TACC1: variants seen among roughly 807,000 people sequenced by gnomAD.
The protein encoded by TACC1 is transforming acidic coiled-coil-containing protein 1.
Under a neutral mutation model 84.4 loss-of-function variants are expected in TACC1, and 48 were observed. The observed-to-expected ratio is 0.57, with a 90% CI of 0.45 to 0.72. The LOEUF is 0.72. Ranked by LOEUF, TACC1 falls within the 30% of genes least tolerant of loss-of-function variation. TACC1 has a pLI of 0.00. For synonymous variants in TACC1, 372 were observed against 376.3 expected (o/e 0.99, Z 0.13); for missense variants, 920 against 973.0 (o/e 0.95, Z 0.72).
chr8:38,820,258 A>C lies in TACC1; in HGVS notation c.1014A>C (p.Pro338=). 6.2e-7 allele frequency: 1 copy of C among 1,614,160 alleles called. No homozygotes were observed. Among genetic ancestry groups the C allele is most frequent in the Non-Finnish European group, 8.5e-7 (1 of 1,180,018 alleles). ...ACATAGAGGCCAGGAAAGCCCTTCC[A>C]AGGAAGCTTGGCAGGAAACTGGGTA... is the stretch of plus-strand genomic sequence containing the variant. The part of the protein sequence containing the change: ...TGNIEARKAL[P]RKLGRKLGST... The change falls in exon 3 of 13, where the codon CCA becomes CCC. Residue 338 remains proline (P), a synonymous_variant. Transcript: ENST00000317827.
intron 2 of TACC1, among the ~76,000 whole-genome samples, chr8:38,809,810 T>C (rs1463541756): frequency 6.6e-6 from 1 of 152,166 alleles, no homozygotes; most frequent in African/African-American, 2.4e-5. Flanking sequence ...TCCTGACAGC[T>C]GAGTGTTGGT....
intron 3 of TACC1, among the ~76,000 whole-genome samples, chr8:38,772,611 T>A (rs991795281): frequency 6.6e-6 from 1 of 152,226 alleles, no homozygotes; most frequent in East Asian, 1.9e-4. Context: ...TGGCTGCACA[T>A]CCTGGTTTCC....
At chr8:38,841,282 C>G (rs1232988845) in intron 9 of TACC1, among the ~76,000 whole-genome samples, 1 of 152,138 alleles carries the variant, frequency 6.6e-6, no homozygotes. Context: ...TTTTAAGGAA[C>G]CTTACTGCCT....
At chr8:38,728,863 A>G (rs1804354826) in intron 1 of TACC1, 1 of 152,196 alleles carries the variant, frequency 6.6e-6, no homozygotes. Flanking sequence ...TTGAACTTTA[A>G]TTCTTGGGTC....
rs1052096840 is a variant in TACC1, at chr8:38,820,291, G to T, written c.1047G>T (p.Leu349=). 1 of 1,614,026 alleles carries T rather than the reference G, an allele frequency of 6.2e-7. No individual in the cohort carries two copies. The highest frequency in any genetic ancestry group is 1.3e-5 in the African/African-American group (1 of 74,908). Residue 349 remains leucine (L), a synonymous_variant, in exon 3 of 13, where the codon CTG becomes CTT. Coordinates refer to ENST00000317827, the MANE Select transcript of TACC1 (RefSeq NM_006283.3). ...RKLGRKLGST[L]TPKIQKDGIS... is the part of the protein sequence containing the mutation. ...TTGGCAGGAAACTGGGTAGCACACT[G>T]ACTCCCAAGATACAAAAAGATGGCA... is the stretch of plus-strand genomic sequence containing the variant.
chr8:38,746,877 G>T (rs139717506), intron 3 of TACC1, among the ~76,000 whole-genome samples: 393 of 151,888 alleles, frequency 2.6e-3, no homozygotes, highest in Admixed American at 5.7e-3. Context: ...TTTTAAAGGC[G>T]GGAAATAAGA....
chr8:38,827,939 G>T (rs1828468976), intron 5 of TACC1: 2 of 157,638 alleles, frequency 1.3e-5, no homozygotes, highest in African/African-American at 4.8e-5. Context: ...ACAGCAAGAA[G>T]TCGCTCATTA....
upstream of TACC1, among the ~76,000 whole-genome samples, chr8:38,783,100 ATC>A (rs1193516208): frequency 0.018 from 1,864 of 105,130 alleles, 20 homozygotes; most frequent in South Asian, 0.025. Flanking sequence ...CTATCTATCT[ATC>A]TATCTATATA....
At chr8:38,779,331 A>C (rs1355688175) in intron 3 of TACC1, among the ~76,000 whole-genome samples, 1 of 152,148 alleles carries the variant, frequency 6.6e-6, no homozygotes, top group Non-Finnish European at 1.5e-5. Flanking sequence ...TCTTGAAATG[A>C]GCATTTCACA....
upstream of TACC1, among the ~76,000 whole-genome samples, chr8:38,783,566 C>T (rs969105899): frequency 2.6e-5 from 4 of 151,932 alleles, no homozygotes; most frequent in East Asian, 1.9e-4. Context: ...GAATTACAGG[C>T]GCCTGCCACC....
chr8:38,768,790 TG>T (rs1215245525), intron 3 of TACC1, among the ~76,000 whole-genome samples: 1 of 151,476 alleles, frequency 6.6e-6, no homozygotes, highest in Non-Finnish European at 1.5e-5. Context: ...ATGTGAGAGT[TG>T]GGGGTAGGTG....
At position 38,788,833 on chromosome 8, in the gene TACC1, T is replaced by TG. The variant is rs759218850; in HGVS notation, c.277+15dup. The TG allele has an allele frequency of 6.3e-7, 1 of 1,581,328 alleles. No homozygotes were observed. The highest frequency in any genetic ancestry group is 1.4e-5 in the African/African-American group (1 of 73,484). ...CCAAAAGCCAAGGTAAAGAAAAACT[T>TG]GCATTTTTCCTGCCTGTTTTGTTTC... On this transcript the variant is annotated intron_variant, in intron 2 of 12. Coordinates refer to ENST00000317827, the MANE Select transcript of TACC1 (RefSeq NM_006283.3).
chr8:38,813,811 G>A (rs1372183419), intron 2 of TACC1, among the ~76,000 whole-genome samples: 1 of 152,192 alleles, frequency 6.6e-6, no homozygotes, highest in East Asian at 1.9e-4. Context: ...CTTGGGACTT[G>A]AGTTCTCTGT....
At chr8:38,829,133 A>G (rs1273809097) in intron 5 of TACC1, among the ~76,000 whole-genome samples, 1 of 152,212 alleles carries the variant, frequency 6.6e-6, no homozygotes. Flanking sequence ...TCCTGACTAC[A>G]TTAAACATTA....
chr8:38,747,571 A>G (rs1808300886), intron 3 of TACC1, among the ~76,000 whole-genome samples: 1 of 152,222 alleles, frequency 6.6e-6, no homozygotes, highest in Admixed American at 6.5e-5. Context: ...TGTTAAATGC[A>G]TATTACTAAC....
chr8:38,762,245 C>A (rs780649765), intron 3 of TACC1, among the ~76,000 whole-genome samples: 6 of 152,160 alleles, frequency 3.9e-5, no homozygotes, highest in Non-Finnish European at 7.4e-5. Flanking sequence ...GCATCCCAAA[C>A]AGAAATTCTG....
chr8:38,772,681 T>C (rs1170711865), intron 3 of TACC1, among the ~76,000 whole-genome samples: 1 of 152,198 alleles, frequency 6.6e-6, no homozygotes. Context: ...GAATAAATAC[T>C]CACCTCTAGC....
rs142491864 is a variant in TACC1 at position 38,746,542 on chromosome 8, A to G, written c.26+1049A>G. Among the ~76,000 whole-genome samples, 467 of 152,332 alleles carry G rather than the reference A, an allele frequency of 3.1e-3. 2 individuals are homozygous for G. The highest frequency in any genetic ancestry group is 0.01 in the African/African-American group (432 of 41,584). ...TATGTTTGTTTGATATCATCTAACA[A>G]GTCTCTGAGATTTTGTTCATTATGT... On this transcript the variant is annotated intron_variant, in intron 3 of 14. Coordinates refer to the TACC1 transcript ENST00000518415.
intron 3 of TACC1, chr8:38,745,582 C>A: frequency 1.6e-6 from 1 of 632,256 alleles, no homozygotes; most frequent in South Asian, 1.8e-5. Flanking sequence ...CTTGCTCTGT[C>A]GCCCAGGCTG....
Sources: gnomAD v4.1 joint callset for allele counts (sites outside exome capture counted in the v4.1 genomes callset) on GRCh38, gnomAD v4.1.1 for gene constraint, MANE v1.5 for transcripts, NCBI Gene and HGNC (gene_info 2026-07-23, HGNC 2026-07-21) for gene names.